Variants in XRCC4 observed in about 807,000 individuals in gnomAD.
XRCC4 encodes the protein X-ray repair cross complementing 4, also known as DNA repair protein XRCC4.
XRCC4 carries 28 observed loss-of-function variants against 39.1 expected under a neutral mutation model. That is an observed-to-expected ratio of 0.72 (90% CI 0.53 to 0.98). The LOEUF (loss-of-function observed/expected upper bound fraction) is 0.98, where lower values mean the gene tolerates loss of function less well. XRCC4 is among the 50% of genes least tolerant of loss of function. The pLI, the probability that XRCC4 is intolerant of heterozygous loss-of-function variation, is 0.00. For synonymous variants in XRCC4, 123 were observed against 126.4 expected (o/e 0.97, Z 0.18); for missense variants, 350 against 376.4 (o/e 0.93, Z 0.58).
intron 3 of XRCC4, among the ~76,000 whole-genome samples, chr5:83,178,557 C>T (rs1336678696): frequency 2.0e-5 from 3 of 152,054 alleles, no homozygotes; most frequent in South Asian, 2.1e-4. Context: ...AAATAAAAAC[C>T]GTGACATGTC....
intron 6 of XRCC4, among the ~76,000 whole-genome samples, chr5:83,215,218 A>G (rs777570873): frequency 3.3e-5 from 5 of 152,108 alleles, no homozygotes; most frequent in Non-Finnish European, 7.3e-5. Flanking sequence ...GCATGCCTAT[A>G]GTCCCAGCTA....
rs1374889336 is a variant in XRCC4 at position 83,264,730 on chromosome 5, AC to A, written c.893+6054del. On this transcript the variant is annotated intron_variant, in intron 7 of 7. Coordinates refer to ENST00000396027, the MANE Select transcript of XRCC4 (RefSeq NM_003401.5). ...CACACCAGTTATGCTGTAACCCACAACTTTTTTTTTCTTCCATTTAGCAATC... is the reference window on the plus strand; with the variant it reads ...CACACCAGTTATGCTGTAACCCACAATTTTTTTTTCTTCCATTTAGCAATC... Among the ~76,000 whole-genome samples the A allele has an allele frequency of 2.0e-5, 3 of 149,616 alleles. No homozygotes were observed. The East Asian group carries it at 7.7e-4, about 38-fold the overall frequency.
At chr5:83,351,231 G>C (rs1028208948) in intron 7 of XRCC4, among the ~76,000 whole-genome samples, 9 of 152,186 alleles carry the variant, frequency 5.9e-5, no homozygotes, top group African/African-American at 2.2e-4. Context: ...TGTACAGCCT[G>C]TGGAACTGTG....
At chr5:83,305,560 A>G (rs1755452483) in intron 7 of XRCC4, among the ~76,000 whole-genome samples, 1 of 152,072 alleles carries the variant, frequency 6.6e-6, no homozygotes. Flanking sequence ...TCTGAGGAAT[A>G]CCCTTTGGAA....
chr5:83,226,129 T>C (rs767633021), intron 6 of XRCC4, among the ~76,000 whole-genome samples: 12 of 152,068 alleles, frequency 7.9e-5, no homozygotes, highest in Non-Finnish European at 1.6e-4. Flanking sequence ...TTCTTTTTAC[T>C]ATGGTCTAGA....
intron 6 of XRCC4, among the ~76,000 whole-genome samples, chr5:83,231,150 A>G (rs1477926915): frequency 6.6e-6 from 1 of 152,026 alleles, no homozygotes; most frequent in African/African-American, 2.4e-5. Flanking sequence ...GTTTATTATT[A>G]TGAATAATGA....
At chr5:83,085,986 C>A (rs976193462) in intron 1 of XRCC4, among the ~76,000 whole-genome samples, 2 of 152,168 alleles carry the variant, frequency 1.3e-5, no homozygotes, top group Admixed American at 6.5e-5. Flanking sequence ...CATTGTTTTG[C>A]GGACTTCTAG....
intron 3 of XRCC4, among the ~76,000 whole-genome samples, chr5:83,164,265 C>T (rs1749353883): frequency 6.6e-6 from 1 of 151,986 alleles, no homozygotes; most frequent in African/African-American, 2.4e-5. Flanking sequence ...ATCAGTACAG[C>T]CCATGAGTGA....
intron 7 of XRCC4, among the ~76,000 whole-genome samples, chr5:83,320,804 C>G (rs1489137238): frequency 2.1e-5 from 3 of 143,156 alleles, no homozygotes; most frequent in Non-Finnish European, 4.5e-5. Flanking sequence ...AAGTTATGTA[C>G]TTCTTTTTTT....
chr5:83,289,022 C>T (rs2112972156), intron 7 of XRCC4, among the ~76,000 whole-genome samples: 1 of 151,570 alleles, frequency 6.6e-6, no homozygotes, highest in South Asian at 2.1e-4. Flanking sequence ...TTTAAGCTTA[C>T]TGATTATTTC....
intron 6 of XRCC4, among the ~76,000 whole-genome samples, chr5:83,205,834 A>G (rs1053253246): frequency 4.1e-4 from 62 of 151,400 alleles, no homozygotes; most frequent in Non-Finnish European, 1.5e-4. Context: ...GAGGGTTATG[A>G]TTTTAGCCAG....
rs552324842 is a variant in XRCC4, at chr5:83,332,865, A to G, written c.894-20266A>G. Among the ~76,000 whole-genome samples the G allele has an allele frequency of 3.0e-4, 46 of 152,290 alleles. 1 individual carries two copies. In the East Asian group the frequency reaches 7.1e-3, roughly 24 times the overall value. On this transcript the variant is annotated intron_variant, in intron 7 of 7. Transcript: ENST00000396027. Reference sequence around the variant, plus strand: ...GCCATTGGTGAAGAGCATGGAGGAGACAGGCAGGCATGGGTTCAAGTCCTT... The same window carrying G: ...GCCATTGGTGAAGAGCATGGAGGAGGCAGGCAGGCATGGGTTCAAGTCCTT...
chr5:83,240,344 G>C (rs1752858337), intron 6 of XRCC4, among the ~76,000 whole-genome samples: 1 of 152,148 alleles, frequency 6.6e-6, no homozygotes, highest in Non-Finnish European at 1.5e-5. Flanking sequence ...CTGGAGTGTG[G>C]AGGATGTCTA....
intron 7 of XRCC4, among the ~76,000 whole-genome samples, chr5:83,310,360 G>A (rs1755662587): frequency 6.6e-6 from 1 of 152,170 alleles, no homozygotes; most frequent in African/African-American, 2.4e-5. Context: ...TCCAGTGAGA[G>A]GTTTCTCTAG....
At chr5:83,355,878 TC>T (rs1757184558), downstream of XRCC4, among the ~76,000 whole-genome samples, 1 of 152,180 alleles carries the variant, frequency 6.6e-6, no homozygotes, top group Admixed American at 6.5e-5. Flanking sequence ...CCTCAAGTGA[TC>T]CGCCCACCTC....
intron 7 of XRCC4, among the ~76,000 whole-genome samples, chr5:83,279,187 A>G (rs1754450495): frequency 6.6e-6 from 1 of 150,968 alleles, no homozygotes; most frequent in South Asian, 2.1e-4. Flanking sequence ...ATAGTGCTGG[A>G]TACATATCAA....
intron 7 of XRCC4, among the ~76,000 whole-genome samples, chr5:83,298,052 C>T (rs551493495): frequency 6.6e-6 from 1 of 151,994 alleles, no homozygotes; most frequent in South Asian, 2.1e-4. Flanking sequence ...ACAGCAGAAG[C>T]ATATTATCAT....
At chr5:83,116,937 T>C (rs1229786156) in intron 3 of XRCC4, among the ~76,000 whole-genome samples, 3 of 152,152 alleles carry the variant, frequency 2.0e-5, no homozygotes, top group African/African-American at 7.2e-5. Context: ...TACCAATTTC[T>C]AATGTAGTGA....
At chr5:83,296,608 A>G (rs145741768) in intron 7 of XRCC4, among the ~76,000 whole-genome samples, 116 of 152,162 alleles carry the variant, frequency 7.6e-4, no homozygotes, top group African/African-American at 2.6e-3. Context: ...TTTGTGGTAC[A>G]TGAATTATAT....
Sources: gnomAD v4.1 joint callset for allele counts (sites outside exome capture counted in the v4.1 genomes callset) on GRCh38, gnomAD v4.1.1 for gene constraint, MANE v1.5 for transcripts, NCBI Gene and HGNC (gene_info 2026-07-23, HGNC 2026-07-21) for gene names.